Variants in CDH18 observed in about 807,000 individuals in gnomAD.
The protein encoded by CDH18 is cadherin 18, also known as cadherin-18.
CDH18 carries 31 observed loss-of-function variants against 67.9 expected under a neutral mutation model. That is an observed-to-expected ratio of 0.46 (90% CI 0.34 to 0.62). The LOEUF (loss-of-function observed/expected upper bound fraction) is 0.62, where lower values mean the gene tolerates loss of function less well. Among genes scored for constraint, CDH18 ranks in the 20% least tolerant of loss-of-function variants. CDH18 has a pLI of 0.01. For synonymous variants in CDH18, 362 were observed against 347.2 expected, an observed-to-expected ratio of 1.04 and a Z score of -0.48; for missense variants, 890 against 975.5, an observed-to-expected ratio of 0.91 and a Z score of 1.17.
chr5:19,475,533 A>AACACACACAC lies in CDH18; in HGVS notation c.1883-1827_1883-1818dup, dbSNP rs143709369. 2.0e-3 allele frequency among the ~76,000 whole-genome samples: 300 copies of AACACACACAC among 146,858 alleles called. 5 individuals carry two copies. The highest frequency in any genetic ancestry group is 7.1e-3 in the African/African-American group (287 of 40,372). On this transcript the variant is annotated intron_variant, in intron 12 of 12. Transcript: ENST00000382275. ...CTATTGTTGGTTGGAGACCATCTGC[A>AACACACACAC]ACACACACACACACACACACATACA...
rs545416640 is a variant in CDH18, at chr5:20,387,414, A to AT, written c.-579-131910dup. ...AATGCTTGCGATTTTTTGCACATTG[A>AT]TTTTTTATCCTGAGACTTTGTGAAG... is the stretch of plus-strand genomic sequence containing the variant. On this transcript the variant is annotated intron_variant, in intron 1 of 14. Coordinates refer to the CDH18 transcript ENST00000507958. Among the ~76,000 whole-genome samples, 586 of 152,180 alleles carry AT rather than the reference A, an allele frequency of 3.9e-3. 8 individuals carry two copies. Among genetic ancestry groups the AT allele is most frequent in the African/African-American group, 0.013 (560 of 41,512 alleles).
At position 19,571,692 on chromosome 5, in the gene CDH18, T is replaced by C; in HGVS notation, c.1140A>G (p.Pro380=). 5 of 1,614,014 alleles carry C rather than the reference T, an allele frequency of 3.1e-6. No individual in the cohort carries two copies. The highest frequency in any genetic ancestry group is 4.2e-6 in the Non-Finnish European group (5 of 1,179,936). Residue 380 remains proline (P), a synonymous_variant, in exon 8 of 13, where the codon CCA becomes CCG. Coordinates refer to ENST00000382275, the MANE Select transcript of CDH18 (RefSeq NM_004934.5). The part of the protein sequence containing the change: ...LKIIVGDVDE[P]PLFSMPSYLM... ...GGTAGGAAGGCATGGAAAATAGTGG[T>C]GGTTCATCTACATCCCCAACAATGA...
chr5:20,185,995 G>A (rs1250606313), intron 2 of CDH18, among the ~76,000 whole-genome samples: 1 of 151,916 alleles, frequency 6.6e-6, no homozygotes, highest in African/African-American at 2.4e-5. Context: ...GAAAATGGTA[G>A]AGGCAATAAA....
intron 2 of CDH18, among the ~76,000 whole-genome samples, chr5:19,898,197 T>C (rs969998733): frequency 4.6e-5 from 7 of 152,080 alleles, no homozygotes; most frequent in African/African-American, 1.7e-4. Flanking sequence ...TTATCAATAG[T>C]ATTTTAATAT....
chr5:19,826,992 A>G (rs1780478928), intron 3 of CDH18, among the ~76,000 whole-genome samples: 1 of 152,184 alleles, frequency 6.6e-6, no homozygotes, highest in Admixed American at 6.5e-5. Flanking sequence ...GACCCTTCTT[A>G]CATGCAATGA....
At chr5:20,458,111 T>C (rs1187959653) in intron 1 of CDH18, among the ~76,000 whole-genome samples, 35 of 151,812 alleles carry the variant, frequency 2.3e-4, no homozygotes, top group Non-Finnish European at 1.0e-4. Flanking sequence ...TTTTGCTTTT[T>C]TGTTTTATTT....
At chr5:19,877,233 A>G (rs1787114651) in intron 2 of CDH18, among the ~76,000 whole-genome samples, 1 of 152,134 alleles carries the variant, frequency 6.6e-6, no homozygotes, top group Non-Finnish European at 1.5e-5. Context: ...AAAAACCTAT[A>G]TTAAATGTCG....
At chr5:20,406,143 T>C (rs1261542879) in intron 1 of CDH18, among the ~76,000 whole-genome samples, 1 of 152,178 alleles carries the variant, frequency 6.6e-6, no homozygotes, top group Non-Finnish European at 1.5e-5. Context: ...CATATGTTTA[T>C]TGCAGCACTA....
chr5:20,509,720 A>G (rs1036290577), intron 1 of CDH18, among the ~76,000 whole-genome samples: 10 of 38,654 alleles, frequency 2.6e-4, no homozygotes, highest in African/African-American at 8.1e-4. Context: ...TGCCCAGCCG[A>G]TTTTCTTCTT....
intron 2 of CDH18, among the ~76,000 whole-genome samples, chr5:19,887,547 A>G (rs1190083441): frequency 6.6e-6 from 1 of 151,818 alleles, no homozygotes; most frequent in Non-Finnish European, 1.5e-5. Context: ...ATTCACCTTT[A>G]GCTCTACAAT....
At chr5:20,167,971 C>G (rs1203790061) in intron 2 of CDH18, among the ~76,000 whole-genome samples, 1 of 151,704 alleles carries the variant, frequency 6.6e-6, no homozygotes, top group Non-Finnish European at 1.5e-5. Flanking sequence ...GTGGATCTAA[C>G]TGGGAAACAG....
At chr5:19,547,153 G>A (rs1736474123) in intron 8 of CDH18, among the ~76,000 whole-genome samples, 1 of 152,108 alleles carries the variant, frequency 6.6e-6, no homozygotes, top group South Asian at 2.1e-4. Flanking sequence ...CCCTTTCCCA[G>A]AGGAAAAATG....
chr5:20,186,245 G>T (rs1738091708), intron 2 of CDH18, among the ~76,000 whole-genome samples: 1 of 151,924 alleles, frequency 6.6e-6, no homozygotes, highest in African/African-American at 2.4e-5. Context: ...ATTTGGCAAT[G>T]ATTTTTTGGA....
At chr5:20,569,787 A>G (rs1313321808) in intron 1 of CDH18, among the ~76,000 whole-genome samples, 2 of 152,234 alleles carry the variant, frequency 1.3e-5, no homozygotes, top group African/African-American at 4.8e-5. Flanking sequence ...GATGACCTTC[A>G]GTAGATGAAT....
intron 3 of CDH18, among the ~76,000 whole-genome samples, chr5:19,804,314 AT>A (rs1334267067): frequency 8.6e-5 from 13 of 150,742 alleles, no homozygotes; most frequent in African/African-American, 2.7e-4. Flanking sequence ...AAAAAAAAAA[AT>A]AAATAAAATA....
intron 3 of CDH18, among the ~76,000 whole-genome samples, chr5:19,800,268 T>C (rs1453207451): frequency 6.6e-6 from 1 of 152,026 alleles, no homozygotes; most frequent in Non-Finnish European, 1.5e-5. Context: ...AAGATAAAGG[T>C]TAATGGAAAA....
At chr5:20,523,354 C>T (rs1332323995) in intron 1 of CDH18, among the ~76,000 whole-genome samples, 1 of 152,016 alleles carries the variant, frequency 6.6e-6, no homozygotes, top group African/African-American at 2.4e-5. Flanking sequence ...CATTGCTTTC[C>T]CTCTGACAGC....
chr5:20,315,925 G>T (rs149354462), intron 1 of CDH18, among the ~76,000 whole-genome samples: 1 of 152,016 alleles, frequency 6.6e-6, no homozygotes, highest in Non-Finnish European at 1.5e-5. Context: ...TGTTTTTCAT[G>T]ACTTCATTCC....
At chr5:19,741,469 C>G (rs569850088) in intron 4 of CDH18, among the ~76,000 whole-genome samples, 149 of 151,828 alleles carry the variant, frequency 9.8e-4, no homozygotes, top group Non-Finnish European at 1.7e-3. Context: ...CATCATGGCT[C>G]CCAAGTAGCC....
Sources: allele counts gnomAD v4.1 joint callset (sites outside exome capture counted in the v4.1 genomes callset), GRCh38; gene constraint gnomAD v4.1.1; transcripts MANE v1.5; gene names NCBI Gene and HGNC (gene_info 2026-07-23, HGNC 2026-07-21).